Variants in NEBL observed in about 807,000 individuals in gnomAD.
NEBL encodes the protein LIM and SH3 protein 2.
A neutral mutation model predicts 140.2 loss-of-function variants in NEBL; 122 were observed. The ratio of observed to expected loss-of-function variants is 0.87; its 90% confidence interval spans 0.75 to 1.01. The LOEUF (loss-of-function observed/expected upper bound fraction) is 1.01. Ranked by LOEUF, NEBL falls within the 50% of genes least tolerant of loss-of-function variation. The pLI is 0.00. For missense variants in NEBL, 1,365 were observed against 1,231.3 expected, an observed-to-expected ratio of 1.11 and a Z score of -1.62; for synonymous variants, 436 against 398.9, an observed-to-expected ratio of 1.09 and a Z score of -1.11.
intron 1 of NEBL, among the ~76,000 whole-genome samples, chr10:21,253,067 G>A (rs1026549971): frequency 6.6e-6 from 1 of 152,152 alleles, no homozygotes; most frequent in Non-Finnish European, 1.5e-5. Flanking sequence ...TTCGAGACCA[G>A]TCTGGCCAGC....
chr10:21,128,917 C>T (rs867070084), intron 2 of NEBL, among the ~76,000 whole-genome samples: 11 of 152,100 alleles, frequency 7.2e-5, no homozygotes, highest in Middle Eastern at 3.4e-3. Flanking sequence ...AAGTAAGAGC[C>T]GAATATCATA....
chr10:20,816,539 G>T (rs556235278), intron 21 of NEBL, among the ~76,000 whole-genome samples: 1 of 152,118 alleles, frequency 6.6e-6, no homozygotes, highest in Non-Finnish European at 1.5e-5. Flanking sequence ...AAAGATGAGC[G>T]TCTACTTCTC....
chr10:21,106,904 C>G (rs1837744368), intron 2 of NEBL, among the ~76,000 whole-genome samples: 1 of 152,034 alleles, frequency 6.6e-6, no homozygotes, highest in African/African-American at 2.4e-5. Flanking sequence ...TCCTTCACAT[C>G]CCTTGTAAGT....
intron 3 of NEBL, among the ~76,000 whole-genome samples, chr10:21,187,514 A>G (rs1375050770): frequency 6.7e-6 from 1 of 150,318 alleles, no homozygotes; most frequent in East Asian, 1.9e-4. Flanking sequence ...ATTATTTATT[A>G]TTATTATTAT....
In NEBL at chr10:21,142,373, A is replaced by G. The variant is rs553948040; in HGVS notation, c.164+30010T>C. ...GCTTACTCTGACAGCACCACAGGAC[A>G]CCACCCCAGAAGTTCCAGATCACCT... On this transcript the variant is annotated intron_variant, in intron 2 of 6. Coordinates refer to the NEBL transcript ENST00000417816. Among the ~76,000 whole-genome samples the G allele has an allele frequency of 2.0e-3, 312 of 152,248 alleles. 4 individuals are homozygous for G. The highest frequency in any genetic ancestry group is 7.2e-3 in the African/African-American group (299 of 41,554).
At chr10:20,943,271 G>T (rs1834982653) in intron 4 of NEBL, among the ~76,000 whole-genome samples, 1 of 152,194 alleles carries the variant, frequency 6.6e-6, no homozygotes, top group South Asian at 2.1e-4. Flanking sequence ...AAAAATTGAT[G>T]AGTTCACGTC....
chr10:20,922,325 T>A (rs1273277634), intron 4 of NEBL, among the ~76,000 whole-genome samples: 2 of 152,228 alleles, frequency 1.3e-5, no homozygotes, highest in Non-Finnish European at 2.9e-5. Context: ...AGGCTCTGAA[T>A]GCACTAAGTG....
intron 1 of NEBL, among the ~76,000 whole-genome samples, chr10:21,274,132 T>C (rs1156885989): frequency 1.3e-5 from 2 of 152,176 alleles, no homozygotes; most frequent in Non-Finnish European, 2.9e-5. Flanking sequence ...GGTGCCGGTT[T>C]AGAGAGGCCC....
chr10:21,000,295 G>T (rs1038614788), intron 3 of NEBL, among the ~76,000 whole-genome samples: 3 of 152,026 alleles, frequency 2.0e-5, no homozygotes, highest in African/African-American at 7.2e-5. Context: ...GGGCCATATG[G>T]CCCCAGCATG....
intron 4 of NEBL, among the ~76,000 whole-genome samples, chr10:20,954,502 T>C (rs1483057765): frequency 6.6e-6 from 1 of 152,158 alleles, no homozygotes; most frequent in Admixed American, 6.6e-5. Context: ...TTTTCCTTAG[T>C]TCAGCTAAAG....
rs1266070180 is a variant in NEBL at position 20,780,134 on chromosome 10, C to T, written c.*5613G>A. ...TATGAGTGTGAAAAATAGGGACTCA[C>T]TTTTTCAATTATGGGAAGCGTAGTG... On this transcript the variant is annotated 3_prime_UTR_variant, in exon 28 of 28. Transcript: ENST00000377122. 6.6e-6 allele frequency: 1 copy of T among 152,138 alleles called. No individual in the cohort carries two copies. The highest frequency in any genetic ancestry group is 2.4e-5 in the African/African-American group (1 of 41,426). The allele number at this position is 152,138 out of a possible 1,614,324, so 9.4% of individuals were successfully genotyped here. A position where few individuals can be genotyped will look rare whatever the true frequency, so the allele number is the denominator to read the frequency against.
At chr10:21,114,456 T>C (rs1176277988) in intron 2 of NEBL, among the ~76,000 whole-genome samples, 1 of 152,086 alleles carries the variant, frequency 6.6e-6, no homozygotes, top group Non-Finnish European at 1.5e-5. Flanking sequence ...TATAGTGTTG[T>C]TCAATTATTC....
At chr10:20,956,600 C>T (rs930417965) in intron 4 of NEBL, among the ~76,000 whole-genome samples, 2 of 152,102 alleles carry the variant, frequency 1.3e-5, no homozygotes, top group Non-Finnish European at 2.9e-5. Context: ...ATAAAAATAA[C>T]ATTCATTCTC....
At chr10:21,007,927 A>ACAGAGACTGCAAAGCTAATT in intron 3 of NEBL, among the ~76,000 whole-genome samples, 1 of 152,332 alleles carries the variant, frequency 6.6e-6, no homozygotes, top group East Asian at 1.9e-4. Context: ...ACTAAAAGAC[A>ACAGAGACTGCAAAGCTAATT]CAGAGACTGC....
intron 14 of NEBL, among the ~76,000 whole-genome samples, chr10:20,834,440 A>G (rs574694102): frequency 3.9e-5 from 6 of 152,310 alleles, no homozygotes; most frequent in African/African-American, 1.4e-4. Flanking sequence ...GGAAACCTAT[A>G]CCATCTCCAC....
intron 2 of NEBL, chr10:21,248,061 G>A (rs878988620): frequency 2.2e-5 from 5 of 229,604 alleles, no homozygotes; most frequent in Admixed American, 4.2e-5. Context: ...AAGTCTGGAC[G>A]GCACCCTTTA....
chr10:20,939,107 A>T (rs908550024), intron 4 of NEBL, among the ~76,000 whole-genome samples: 4 of 152,174 alleles, frequency 2.6e-5, no homozygotes, highest in African/African-American at 9.7e-5. Context: ...GATACTCCCC[A>T]AGAAGAGCAA....
intron 3 of NEBL, among the ~76,000 whole-genome samples, chr10:20,985,236 G>A (rs1342061839): frequency 6.6e-6 from 1 of 152,156 alleles, no homozygotes; most frequent in African/African-American, 2.4e-5. Context: ...AAAGGTTGGT[G>A]ACCGCTATGG....
Position 20,785,599 on chromosome 10 carries a change from T to C in NEBL, c.*148A>G. ...TGTTTTCAGCCCAGAGGTCATTCCT[T>C]CTTCCTGGTACCTGTGTGTCTAATT... is the stretch of plus-strand genomic sequence containing the variant. On this transcript the variant is annotated 3_prime_UTR_variant, in exon 28 of 28. Transcript: ENST00000377122. 1 of 938,966 alleles carries C rather than the reference T, an allele frequency of 1.1e-6. No individual in the cohort carries two copies. Among genetic ancestry groups the C allele is most frequent in the Non-Finnish European group, 1.6e-6 (1 of 611,802 alleles). 58.2% of individuals were successfully genotyped at this position (938,966 alleles called of 1,614,324 possible).
Sources: allele counts gnomAD v4.1 joint callset (sites outside exome capture counted in the v4.1 genomes callset), GRCh38; gene constraint gnomAD v4.1.1; transcripts MANE v1.5; gene names NCBI Gene and HGNC (gene_info 2026-07-23, HGNC 2026-07-21).